The following NOTCH2 variants were observed in gnomAD, a reference collection of about 807,000 sequenced individuals.
NOTCH2 encodes the protein notch receptor 2, also known as neurogenic locus notch homolog protein 2.
NOTCH2 carries 29 observed loss-of-function variants against 235.8 expected under a neutral mutation model. The observed-to-expected ratio is 0.12, with a 90% CI of 0.09 to 0.17. The LOEUF (loss-of-function observed/expected upper bound fraction) is 0.17. Ranked by LOEUF, NOTCH2 falls within the 10% of genes least tolerant of loss-of-function variation. The pLI is 1.00. For synonymous variants in NOTCH2, 1,086 were observed against 1,141.5 expected (o/e 0.95, Z 0.98); for missense variants, 2,285 against 3,150.2 (o/e 0.73, Z 6.57).
At position 120,069,545 on chromosome 1, in the gene NOTCH2, A is replaced by C. The variant is rs587606395; in HGVS notation, c.-139T>G. ...GCTCAGGCCCTGGCGCTACGCTCCGAAGCCCAGGCGCAAATGCCTCGACTC... is the reference window on the plus strand; with the variant it reads ...GCTCAGGCCCTGGCGCTACGCTCCGCAGCCCAGGCGCAAATGCCTCGACTC... On this transcript the variant is annotated 5_prime_UTR_variant, in exon 1 of 34. Transcript: ENST00000256646. 2 of 1,415,598 alleles carry C rather than the reference A, an allele frequency of 1.4e-6. No individual in the cohort carries two copies. The highest frequency in any genetic ancestry group is 3.0e-5 in the South Asian group (2 of 67,322). 87.7% of individuals were successfully genotyped at this position (1,415,598 alleles called of 1,614,324 possible).
intron 4 of NOTCH2, among the ~76,000 whole-genome samples, chr1:119,987,571 T>A (rs1046930238): frequency 3.3e-5 from 5 of 152,110 alleles, no homozygotes; most frequent in Non-Finnish European, 7.4e-5. Context: ...GGAAAAATAT[T>A]GAACTTAAAG....
At position 119,915,505 on chromosome 1, in the gene NOTCH2, C is replaced by A. The variant is rs761965953; in HGVS notation, c.7217G>T (p.Gly2406Val). Residue 2406 changes from glycine to valine, a missense_variant, in exon 34 of 34, where the codon GGT becomes GTT. Gly to Val is a moderately radical substitution (Grantham distance 109, BLOSUM62 -3). Coordinates refer to ENST00000256646, the MANE Select transcript of NOTCH2 (RefSeq NM_024408.4). ...GTAGGGATGCTCACCCTGGAGGTGA[C>A]CACTGTGACTGGGTGTTCGCTCAGC... ...NAAERTPSHS[G>V]HLQGEHPYLT... is the part of the protein sequence containing the mutation. 3 of 1,614,082 alleles carry A rather than the reference C, an allele frequency of 1.9e-6. No individual in the cohort carries two copies. Among genetic ancestry groups the A allele is most frequent in the South Asian group, 2.2e-5 (2 of 91,080 alleles).
At position 119,922,713 on chromosome 1, in the gene NOTCH2, T is replaced by G; in HGVS notation, c.4925A>C (p.Asn1642Thr). ...CVQDSDHCFK[N>T]TDAAAALLAS... The stretch of plus-strand genomic sequence containing the variant: ...CAGGAGAGCTGCTGCTGCATCCGTG[T>G]TCTTGAAGCAGTGGTCTGAGTCTTG... Residue 1642 changes from asparagine to threonine, a missense_variant, in exon 27 of 34, where the codon AAC becomes ACC. Around this residue, in one of 6 missense-constraint regions of NOTCH2, gnomAD observed 1,173 missense variants for 1,515.3 expected, o/e 0.77. Transcript: ENST00000256646. 1.2e-6 allele frequency: 2 copies of G among 1,614,230 alleles called. No homozygotes were observed. The highest frequency in any genetic ancestry group is 1.6e-4 in the Middle Eastern group (1 of 6,062).
intron 2 of NOTCH2, among the ~76,000 whole-genome samples, chr1:120,006,739 T>C (rs1570740104): frequency 6.6e-6 from 1 of 151,862 alleles, no homozygotes; most frequent in East Asian, 1.9e-4. Flanking sequence ...TAAACCAAAC[T>C]CTAAATCCCC....
At chr1:119,995,995 C>CTTT (rs1357476888) in intron 4 of NOTCH2, 1 of 152,586 alleles carries the variant, frequency 6.6e-6, no homozygotes, top group African/African-American at 2.4e-5. Flanking sequence ...AGAACAACTT[C>CTTT]TTTTTGAGGC....
At position 120,048,420 on chromosome 1, in the gene NOTCH2, T is replaced by A. The variant is rs181880497; in HGVS notation, c.74-18433A>T. On this transcript the variant is annotated intron_variant, in intron 1 of 33. Coordinates refer to ENST00000256646, the MANE Select transcript of NOTCH2 (RefSeq NM_024408.4). Reference sequence around the variant, plus strand: ...AAAGCATGCAGTAAAGAATGTGGCTTGGCAATTAGACAGGCCCAATACCAC... The same window carrying A: ...AAAGCATGCAGTAAAGAATGTGGCTAGGCAATTAGACAGGCCCAATACCAC... 3.4e-3 allele frequency among the ~76,000 whole-genome samples: 449 copies of A among 133,148 alleles called. 41 individuals carry two copies. Among genetic ancestry groups the A allele is most frequent in the Middle Eastern group, 7.2e-3 (2 of 276 alleles). 87.4% of individuals were successfully genotyped at this position (133,148 alleles called of 152,430 possible). A position where few individuals can be genotyped will look rare whatever the true frequency, so the allele number is the denominator to read the frequency against.
At chr1:120,029,349 AT>A (rs113233615) in intron 2 of NOTCH2, among the ~76,000 whole-genome samples, 553 of 151,216 alleles carry the variant, frequency 3.7e-3, no homozygotes, top group African/African-American at 0.012. Flanking sequence ...ATTTTTTTAT[AT>A]TTTTTTTTAT....
Position 119,925,204 on chromosome 1 carries a change from G to A in NOTCH2, c.4511+101C>T, listed in dbSNP as rs146853749. 27 of 1,452,676 alleles carry A rather than the reference G, an allele frequency of 1.9e-5. No individual in the cohort carries two copies. In the East Asian group the frequency reaches 5.9e-4, roughly 32 times the overall value. 90.0% of individuals were successfully genotyped at this position (1,452,676 alleles called of 1,614,324 possible). A position where few individuals can be genotyped will look rare whatever the true frequency, so the allele number is the denominator to read the frequency against. On this transcript the variant is annotated intron_variant, in intron 25 of 33. Transcript: ENST00000256646. The stretch of plus-strand genomic sequence containing the variant: ...GGCTGGCACCATCTGAAAAGCAGAG[G>A]CAGCTTAGGCTGAAGCACTGGAGTG...
intron 2 of NOTCH2, among the ~76,000 whole-genome samples, chr1:120,006,795 T>A (rs1553206362): frequency 6.6e-6 from 1 of 152,188 alleles, no homozygotes; most frequent in African/African-American, 2.4e-5. Context: ...TTGTCCTGAT[T>A]TTCCTAATCA....
intron 17 of NOTCH2, 94 bp from the exon 18 acceptor site, chr1:119,941,848 G>C: frequency 1.0e-6 from 1 of 982,944 alleles, no homozygotes; most frequent in East Asian, 2.5e-5. Context: ...GTCATGCTGG[G>C]GGCAGCATAA....
chr1:120,065,717 T>G (rs1279870936), intron 1 of NOTCH2, among the ~76,000 whole-genome samples: 1 of 152,052 alleles, frequency 6.6e-6, no homozygotes, highest in African/African-American at 2.4e-5. Context: ...TACGGTAGGC[T>G]GACAAAGAAA....
rs1654256142 is a variant in NOTCH2 at position 120,035,083 on chromosome 1, C to CTTA, written c.74-5097_74-5096insTAA. On this transcript the variant is annotated intron_variant, in intron 1 of 33. Transcript: ENST00000256646. ...CAGTGAGTAAAAAGGTTTTTCTTTT[C>CTTA]TTTCTTATATAAGCTTATTCAAGTC... Among the ~76,000 whole-genome samples, 15 of 151,326 alleles carry CTTA rather than the reference C, an allele frequency of 9.9e-5. No homozygotes were observed. The South Asian group carries it at 3.1e-3, about 32-fold the overall frequency.
At chr1:119,921,652 A>C in intron 29 of NOTCH2, 61 bp downstream of exon 29, 1 of 1,410,164 alleles carries the variant, frequency 7.1e-7, no homozygotes, top group Non-Finnish European at 1.0e-6. Context: ...GCTAAAGGAC[A>C]GAAATTTGAA....
Position 119,923,737 on chromosome 1 carries a change from G to A in NOTCH2, c.4759C>T (p.Leu1587Phe), listed in dbSNP as rs1252006032. ...TCACCATAATAGGGGTACACCATGA[G>A]TTCCCCCTGGGAGTCCCGCTTAATG... ...LRIKRDSQGE[L>F]MVYPYYGEKS... The change falls in exon 26 of 34, where the codon CTC (leucine) becomes TTC (phenylalanine). Residue 1587 changes from leucine to phenylalanine, a missense_variant. By Grantham distance (22) the Leu-to-Phe change is conservative. Transcript: ENST00000256646. 1.2e-6 allele frequency: 2 copies of A among 1,614,082 alleles called. No homozygotes were observed. The highest frequency in any genetic ancestry group is 1.7e-6 in the Non-Finnish European group (2 of 1,180,030).
chr1:119,912,494 A>T lies in NOTCH2; in HGVS notation c.*2812T>A, dbSNP rs927794840. 4 of 233,224 alleles carry T rather than the reference A, an allele frequency of 1.7e-5. No individual in the cohort carries two copies. The highest frequency in any genetic ancestry group is 3.4e-5 in the Non-Finnish European group (4 of 117,966). 14.4% of individuals were successfully genotyped at this position (233,224 alleles called of 1,614,324 possible). A position where few individuals can be genotyped will look rare whatever the true frequency, so the allele number is the denominator to read the frequency against. ...CAATTGCTTATACTAAAATATTTTA[A>T]TTCTCAGACTCTCTTTCCCTCATAC... On this transcript the variant is annotated 3_prime_UTR_variant, in exon 34 of 34. Transcript: ENST00000256646.
intron 13 of NOTCH2, among the ~76,000 whole-genome samples, chr1:119,954,773 A>G (rs1337698121): frequency 1.3e-5 from 2 of 152,216 alleles, no homozygotes; most frequent in African/African-American, 4.8e-5. Flanking sequence ...TACAATGAGT[A>G]TGGGTTCCTC....
chr1:119,947,805 A>G (rs1553197219), intron 17 of NOTCH2, among the ~76,000 whole-genome samples: 1 of 152,250 alleles, frequency 6.6e-6, no homozygotes, highest in East Asian at 1.9e-4. Context: ...GCAGAACAAT[A>G]AACTAGAATG....
chr1:119,961,176 G>A (rs1553198938), intron 11 of NOTCH2, among the ~76,000 whole-genome samples: 1 of 152,126 alleles, frequency 6.6e-6, no homozygotes, highest in African/African-American at 2.4e-5. Context: ...AACCCTGTTT[G>A]TGTGGCTCCA....
intron 4 of NOTCH2, chr1:119,995,885 T>C (rs1336223489): frequency 6.6e-6 from 1 of 152,244 alleles, no homozygotes; most frequent in Non-Finnish European, 1.5e-5. Flanking sequence ...AGGACCAACC[T>C]ATGACCTTTA....
Sources: gnomAD v4.1 joint callset for allele counts (sites outside exome capture counted in the v4.1 genomes callset) on GRCh38, gnomAD v4.1.1 for gene constraint, gnomAD v4.1.1 regional missense constraint, MANE v1.5 for transcripts, NCBI Gene and HGNC (gene_info 2026-07-23, HGNC 2026-07-21) for gene names.